The following GRM5 variants were observed in gnomAD, a reference collection of about 807,000 sequenced individuals.
GRM5 encodes the protein glutamate metabotropic receptor 5.
A neutral mutation model predicts 83.1 loss-of-function variants in GRM5; 19 were observed. That is an observed-to-expected ratio of 0.23 (90% CI 0.16 to 0.34). The LOEUF (loss-of-function observed/expected upper bound fraction) is 0.34, where lower values mean the gene tolerates loss of function less well. Ranked by LOEUF, GRM5 falls within the 10% of genes least tolerant of loss-of-function variation. GRM5 has a pLI of 1.00. For synonymous variants in GRM5, 675 were observed against 633.6 expected (o/e 1.07, Z -0.98); for missense variants, 1,160 against 1,588.3 (o/e 0.73, Z 4.58).
At chr11:88,683,874 CATAG>C (rs1345079458) in intron 3 of GRM5, among the ~76,000 whole-genome samples, 2 of 152,100 alleles carry the variant, frequency 1.3e-5, no homozygotes, top group African/African-American at 2.4e-5. Context: ...CACACATACT[CATAG>C]ATAGATAATA....
chr11:88,801,620 T>C (rs1345668705), intron 3 of GRM5, among the ~76,000 whole-genome samples: 2 of 152,072 alleles, frequency 1.3e-5, no homozygotes, highest in Non-Finnish European at 2.9e-5. Flanking sequence ...CAAACATAAA[T>C]TGTATGAGTT....
chr11:88,630,040 A>G (rs1387146697), intron 4 of GRM5, among the ~76,000 whole-genome samples: 1 of 151,970 alleles, frequency 6.6e-6, no homozygotes, highest in Non-Finnish European at 1.5e-5. Context: ...TCCAGGCTTT[A>G]TTCCTGTGAT....
chr11:88,803,548 A>G (rs1261894520), intron 3 of GRM5, among the ~76,000 whole-genome samples: 1 of 152,222 alleles, frequency 6.6e-6, no homozygotes, highest in African/African-American at 2.4e-5. Context: ...AGATGGATTA[A>G]AGACTTAAAC....
chr11:88,667,939 T>A (rs565995034), intron 3 of GRM5, among the ~76,000 whole-genome samples: 2 of 151,832 alleles, frequency 1.3e-5, no homozygotes, highest in East Asian at 3.9e-4. Context: ...AATTGATTCT[T>A]TGAAAAGACT....
At chr11:88,520,744 C>T (rs1213121899) in intron 9 of GRM5, among the ~76,000 whole-genome samples, 1 of 152,100 alleles carries the variant, frequency 6.6e-6, no homozygotes, top group Non-Finnish European at 1.5e-5. Context: ...GCAATCCTAA[C>T]ACAAGACATT....
intron 4 of GRM5, among the ~76,000 whole-genome samples, chr11:88,635,812 T>A (rs766133987): frequency 3.9e-5 from 6 of 152,196 alleles, no homozygotes; most frequent in Admixed American, 6.5e-5. Context: ...GTTTTATGTT[T>A]CTAGGTCTTA....
chr11:88,675,966 G>C (rs1490486478), intron 3 of GRM5, among the ~76,000 whole-genome samples: 1 of 151,994 alleles, frequency 6.6e-6, no homozygotes, highest in Admixed American at 6.6e-5. Context: ...AGTATTTGTA[G>C]AGTGATAAAC....
chr11:88,572,876 A>C (rs1452453635), intron 7 of GRM5, among the ~76,000 whole-genome samples: 1 of 152,170 alleles, frequency 6.6e-6, no homozygotes, highest in Non-Finnish European at 1.5e-5. Flanking sequence ...TTTATTATGA[A>C]TTTAATCAAT....
At chr11:89,023,692 T>A (rs7109220) in intron 2 of GRM5, among the ~76,000 whole-genome samples, 11,969 of 149,168 alleles carry the variant, frequency 0.08, 1,128 homozygotes, top group African/African-American at 0.23. Context: ...AAAAATAAAT[T>A]AAAAAAAAAT....
At chr11:88,612,321 T>C (rs993407649) in intron 4 of GRM5, among the ~76,000 whole-genome samples, 2 of 149,804 alleles carry the variant, frequency 1.3e-5, no homozygotes, top group African/African-American at 4.9e-5. Flanking sequence ...GGCTGCATAG[T>C]ATTCCATGGT....
rs1941169204 is a variant in GRM5 at position 88,505,794 on chromosome 11, C to T, written c.*2798G>A. 6.6e-6 allele frequency: 1 copy of T among 152,144 alleles called. No homozygotes were observed. The highest frequency in any genetic ancestry group is 1.5e-5 in the Non-Finnish European group (1 of 68,022). 9.4% of individuals were successfully genotyped at this position (152,144 alleles called of 1,614,324 possible). ...CCCCTTCCTTTTAGTCATGCTGGTCCCGACTGAATTATCACTGGGCACCAG... is the reference window on the plus strand; with the variant it reads ...CCCCTTCCTTTTAGTCATGCTGGTCTCGACTGAATTATCACTGGGCACCAG... On this transcript the variant is annotated 3_prime_UTR_variant, in exon 10 of 10. Transcript: ENST00000305447.
intron 3 of GRM5, among the ~76,000 whole-genome samples, chr11:88,767,485 T>C (rs1425562089): frequency 6.6e-6 from 1 of 152,036 alleles, no homozygotes; most frequent in Admixed American, 6.6e-5. Flanking sequence ...CATGGAATAC[T>C]ATGCAGCCAT....
intron 3 of GRM5, among the ~76,000 whole-genome samples, chr11:88,725,464 C>A (rs972167845): frequency 2.6e-5 from 4 of 152,196 alleles, no homozygotes; most frequent in African/African-American, 4.8e-5. Context: ...GCAGCTTCAG[C>A]AGACTTAAAT....
At chr11:88,728,449 C>T (rs184254245) in intron 3 of GRM5, among the ~76,000 whole-genome samples, 9 of 151,802 alleles carry the variant, frequency 5.9e-5, no homozygotes, top group African/African-American at 2.2e-4. Context: ...AGAGGTACAC[C>T]GAGGAGCTGG....
intron 3 of GRM5, among the ~76,000 whole-genome samples, chr11:88,670,187 T>C (rs1292057666): frequency 6.6e-6 from 1 of 152,010 alleles, no homozygotes; most frequent in Non-Finnish European, 1.5e-5. Context: ...GTGAATCATA[T>C]GTCTTTATGA....
In GRM5 at chr11:88,513,872, C is replaced by T. The variant is rs138473438; in HGVS notation, c.2727-4368G>A. Among the ~76,000 whole-genome samples, 340 of 152,268 alleles carry T rather than the reference C, an allele frequency of 2.2e-3. 10 individuals carry two copies. The East Asian group carries it at 0.052, about 23-fold the overall frequency. On this transcript the variant is annotated intron_variant, in intron 9 of 9. Coordinates refer to ENST00000305447, the MANE Select transcript of GRM5 (RefSeq NM_001143831.3). ...CCTTCTGCAAATGCAAGGGGTTATT[C>T]ATTAACATTAAACCTTCTATTCAGT...
chr11:88,558,827 A>G (rs554213900), intron 8 of GRM5, among the ~76,000 whole-genome samples: 2 of 144,890 alleles, frequency 1.4e-5, no homozygotes, highest in East Asian at 4.0e-4. Context: ...AAAAAAAAAT[A>G]CAACAAACAA....
intron 1 of GRM5, among the ~76,000 whole-genome samples, chr11:89,059,190 T>C (rs1941938959): frequency 6.6e-6 from 1 of 152,102 alleles, no homozygotes; most frequent in Admixed American, 6.6e-5. Context: ...CATTAGAGAA[T>C]TTTTCTTGAA....
At chr11:88,904,924 A>C (rs1047434377) in intron 2 of GRM5, among the ~76,000 whole-genome samples, 2 of 152,156 alleles carry the variant, frequency 1.3e-5, no homozygotes, top group Non-Finnish European at 2.9e-5. Flanking sequence ...ATCTAAGATT[A>C]TTATGTTAAT....
Sources: allele counts gnomAD v4.1 joint callset (sites outside exome capture counted in the v4.1 genomes callset), GRCh38; gene constraint gnomAD v4.1.1; transcripts MANE v1.5; gene names NCBI Gene and HGNC (gene_info 2026-07-23, HGNC 2026-07-21).